Variants in LIN7A observed in about 807,000 individuals in gnomAD.
LIN7A encodes the protein protein lin-7 homolog A.
Under a neutral mutation model 29.8 loss-of-function variants are expected in LIN7A, and 25 were observed. That is an observed-to-expected ratio of 0.84 (90% CI 0.61 to 1.17). LIN7A has a LOEUF of 1.17. Among genes scored for constraint, LIN7A ranks in the 50% most tolerant of loss-of-function variants. The pLI is 0.00. For synonymous variants in LIN7A, 118 were observed against 107.5 expected (o/e 1.10, Z -0.60); for missense variants, 239 against 287.0 (o/e 0.83, Z 1.21).
At chr12:80,854,662 A>G (rs1873509363) in intron 2 of LIN7A, among the ~76,000 whole-genome samples, 1 of 152,106 alleles carries the variant, frequency 6.6e-6, no homozygotes, top group South Asian at 2.1e-4. Flanking sequence ...TGTTCTATAT[A>G]TTCATAATCA....
chr12:80,814,824 C>T (rs985617796), intron 4 of LIN7A, among the ~76,000 whole-genome samples: 9 of 152,132 alleles, frequency 5.9e-5, no homozygotes, highest in Non-Finnish European at 1.3e-4. Flanking sequence ...GACAAGGACT[C>T]AGATTCTCTT....
At chr12:80,898,287 C>A (rs1876016396) in intron 1 of LIN7A, among the ~76,000 whole-genome samples, 1 of 152,064 alleles carries the variant, frequency 6.6e-6, no homozygotes, top group African/African-American at 2.4e-5. Context: ...TGTTGGTGTG[C>A]AACATTATTT....
In LIN7A at chr12:80,927,155, C is replaced by CTTTTTTTTTT. The variant is rs929026269; in HGVS notation, c.82+10476_82+10485dup. On this transcript the variant is annotated intron_variant, in intron 1 of 5. Coordinates refer to ENST00000552864, the MANE Select transcript of LIN7A (RefSeq NM_004664.4). ...CAGTAAACTATTTTCTTTTCTTTTTCTTTTTTTTTTTTTTTTTTTTTTTTG... is the reference window on the plus strand; with the variant it reads ...CAGTAAACTATTTTCTTTTCTTTTTCTTTTTTTTTTTTTTTTTTTTTTTTTTTTTTTTTTG... Among the ~76,000 whole-genome samples, 128 of 75,538 alleles carry CTTTTTTTTTT rather than the reference C, an allele frequency of 1.7e-3. 1 individual carries two copies. The highest frequency in any genetic ancestry group is 3.3e-3 in the South Asian group (6 of 1,834). 49.6% of individuals were successfully genotyped at this position (75,538 alleles called of 152,430 possible).
chr12:80,818,699 T>A (rs1286923924), intron 4 of LIN7A, among the ~76,000 whole-genome samples: 1 of 152,186 alleles, frequency 6.6e-6, no homozygotes, highest in Admixed American at 6.5e-5. Flanking sequence ...CCTTGCCATA[T>A]TAAGATCTGT....
intron 4 of LIN7A, among the ~76,000 whole-genome samples, chr12:80,837,192 T>C (rs1872622113): frequency 6.6e-6 from 1 of 152,160 alleles, no homozygotes; most frequent in South Asian, 2.1e-4. Context: ...CCTATACACT[T>C]GTAAGCACTC....
At chr12:80,828,254 A>G (rs1217412244) in intron 4 of LIN7A, among the ~76,000 whole-genome samples, 3 of 152,194 alleles carry the variant, frequency 2.0e-5, no homozygotes, top group African/African-American at 7.2e-5. Context: ...ATAGTTACTC[A>G]TATACATAAA....
chr12:80,932,954 A>T (rs1190860147), intron 1 of LIN7A, among the ~76,000 whole-genome samples: 3 of 152,208 alleles, frequency 2.0e-5, no homozygotes, highest in Non-Finnish European at 4.4e-5. Context: ...GTTGCTATGA[A>T]CATTTTAAGG....
chr12:80,808,691 G>C (rs1335258350), intron 5 of LIN7A, among the ~76,000 whole-genome samples: 1 of 151,656 alleles, frequency 6.6e-6, no homozygotes, highest in Non-Finnish European at 1.5e-5. Flanking sequence ...ATTTTTAGTA[G>C]AGACGAGGTT....
chr12:80,920,893 A>T (rs555221447), intron 1 of LIN7A, among the ~76,000 whole-genome samples: 1 of 152,312 alleles, frequency 6.6e-6, no homozygotes, highest in Non-Finnish European at 1.5e-5. Flanking sequence ...AGATAATGCT[A>T]TCTAGTTCTA....
intron 5 of LIN7A, among the ~76,000 whole-genome samples, chr12:80,806,644 T>A (rs1871003901): frequency 6.6e-6 from 1 of 152,232 alleles, no homozygotes; most frequent in African/African-American, 2.4e-5. Flanking sequence ...ACTGGTTAAA[T>A]TTTATAAAAA....
intron 4 of LIN7A, among the ~76,000 whole-genome samples, chr12:80,814,473 G>A (rs2121514346): frequency 6.6e-6 from 1 of 152,116 alleles, no homozygotes; most frequent in Non-Finnish European, 1.5e-5. Context: ...AGACTTCTTC[G>A]TGGCTTTTGT....
At chr12:80,890,158 C>A (rs1875549205) in intron 1 of LIN7A, among the ~76,000 whole-genome samples, 1 of 152,126 alleles carries the variant, frequency 6.6e-6, no homozygotes, top group Admixed American at 6.6e-5. Flanking sequence ...AACATGTAGT[C>A]TTTTATAGAC....
intron 4 of LIN7A, among the ~76,000 whole-genome samples, chr12:80,830,226 A>G (rs528072249): frequency 1.3e-5 from 2 of 152,332 alleles, no homozygotes; most frequent in South Asian, 4.1e-4. Flanking sequence ...GATTATAAGC[A>G]CTAACATTTA....
chr12:80,832,565 A>G (rs896616600), intron 4 of LIN7A: 5 of 477,478 alleles, frequency 1.0e-5, no homozygotes, highest in Non-Finnish European at 2.2e-5. Context: ...AGGAGCCTGG[A>G]CTTACCATTT....
At chr12:80,817,015 G>C (rs1871569127) in intron 4 of LIN7A, among the ~76,000 whole-genome samples, 1 of 152,224 alleles carries the variant, frequency 6.6e-6, no homozygotes, top group Non-Finnish European at 1.5e-5. Context: ...TGATGCGCCT[G>C]CTTCAGCCTC....
At chr12:80,834,237 G>C (rs1872512998) in intron 4 of LIN7A, among the ~76,000 whole-genome samples, 1 of 152,144 alleles carries the variant, frequency 6.6e-6, no homozygotes, top group South Asian at 2.1e-4. Flanking sequence ...GGTTCAGGCT[G>C]ATGCTAGATC....
At chr12:80,935,817 TTGGCTG>T (rs772258900) in intron 1 of LIN7A, 1 of 498,146 alleles carries the variant, frequency 2.0e-6, no homozygotes, top group Non-Finnish European at 4.3e-6. Flanking sequence ...CAAGTAGAGT[TTGGCTG>T]TGAACAAGAG....
chr12:80,844,890 T>G (rs1318360599), intron 4 of LIN7A, among the ~76,000 whole-genome samples: 1 of 152,136 alleles, frequency 6.6e-6, no homozygotes, highest in African/African-American at 2.4e-5. Flanking sequence ...AATCAAACTC[T>G]TTTTTGGAGG....
In LIN7A at chr12:80,811,627, G is replaced by C. The variant is rs772764683; in HGVS notation, c.540C>G (p.Asp180Glu). The change falls in exon 5 of 6, where the codon GAC becomes GAG. Residue 180 changes from aspartate to glutamate, a missense_variant. Asp to Glu is a conservative substitution (Grantham distance 45). Transcript: ENST00000552864. ...TGTATCGCACCACCAGCTTGACGCT[G>C]TCTTTAGCAGCCTTGAGTAGTTCCA... ...KAVELLKAAK[D>E]SVKLVVRYTP... 1.9e-6 allele frequency: 3 copies of C among 1,614,022 alleles called. No individual in the cohort carries two copies. In the South Asian group the frequency reaches 3.3e-5, roughly 18 times the overall value.
Sources: allele counts gnomAD v4.1 joint callset (sites outside exome capture counted in the v4.1 genomes callset), GRCh38; gene constraint gnomAD v4.1.1; transcripts MANE v1.5; gene names NCBI Gene and HGNC (gene_info 2026-07-23, HGNC 2026-07-21).